The following HTR2C variants were observed in gnomAD, a reference collection of about 807,000 sequenced individuals.
HTR2C encodes the protein 5-hydroxytryptamine receptor 2C.
In HTR2C, 5 loss-of-function variants were observed where a neutral mutation model predicts 21.0. The ratio of observed to expected loss-of-function variants is 0.24; its 90% CI spans 0.12 to 0.50. The LOEUF is 0.50. Among genes scored for constraint, HTR2C ranks in the 20% least tolerant of loss-of-function variants. HTR2C has a pLI of 0.98. For synonymous variants in HTR2C, 150 were observed against 145.3 expected (o/e 1.03, Z -0.23); for missense variants, 271 against 371.2 (o/e 0.73, Z 2.22).
intron 4 of HTR2C, among the ~76,000 whole-genome samples, chrX:114,738,626 G>A (rs782755241): frequency 2.7e-5 from 3 of 109,946 alleles, no homozygotes; most frequent in South Asian, 4.0e-4. Context: ...ATCACACACC[G>A]GGGCCTGTTG....
intron 5 of HTR2C, among the ~76,000 whole-genome samples, chrX:114,905,936 C>T (rs2071369045): frequency 9.0e-6 from 1 of 111,194 alleles, no homozygotes; most frequent in African/African-American, 3.3e-5. Flanking sequence ...GCATATCTCC[C>T]AACTCTACAT....
At chrX:114,649,121 A>T (rs1383494035) in intron 2 of HTR2C, among the ~76,000 whole-genome samples, 4 of 111,762 alleles carry the variant, frequency 3.6e-5, no homozygotes, top group East Asian at 5.6e-4. Context: ...CAATTATTTC[A>T]TGTTTTAAGT....
intron 4 of HTR2C, among the ~76,000 whole-genome samples, chrX:114,830,793 C>A (rs1450577652): frequency 1.1e-5 from 1 of 95,107 alleles, no homozygotes; most frequent in Non-Finnish European, 2.1e-5. Context: ...TGCGCTGCAC[C>A]CACTAACTCA....
At chrX:114,721,631 T>C (rs1381865712) in intron 2 of HTR2C, among the ~76,000 whole-genome samples, 5 of 108,942 alleles carry the variant, frequency 4.6e-5, no homozygotes, top group Non-Finnish European at 9.6e-5. Context: ...GGTTTTCTTC[T>C]AGGGTTTTTA....
At chrX:114,787,409 GA>G (rs2070186778) in intron 4 of HTR2C, among the ~76,000 whole-genome samples, 1 of 111,667 alleles carries the variant, frequency 9.0e-6, no homozygotes, top group African/African-American at 3.3e-5. Flanking sequence ...AGCAGGTCAC[GA>G]AAAATTGGGT....
chrX:114,658,387 C>G (rs1451128377), intron 2 of HTR2C, among the ~76,000 whole-genome samples: 2 of 111,405 alleles, frequency 1.8e-5, no homozygotes, highest in East Asian at 5.6e-4. Context: ...AGTATGAAAT[C>G]CAAACTAAAA....
chrX:114,633,287 C>CT (rs1308211035), intron 2 of HTR2C, among the ~76,000 whole-genome samples: 1 of 112,028 alleles, frequency 8.9e-6, no homozygotes, highest in African/African-American at 3.2e-5. Context: ...ATATAAAACA[C>CT]TTTTTGTGAT....
chrX:114,895,610 T>C (rs2071290440), intron 5 of HTR2C, among the ~76,000 whole-genome samples: 1 of 111,968 alleles, frequency 8.9e-6, no homozygotes, highest in Admixed American at 9.5e-5. Flanking sequence ...TTCCTCTTCT[T>C]TTTTTCAAGT....
At chrX:114,708,758 G>A (rs1932847302) in intron 2 of HTR2C, among the ~76,000 whole-genome samples, 1 of 111,173 alleles carries the variant, frequency 9.0e-6, no homozygotes, top group South Asian at 3.8e-4. Flanking sequence ...AGTGAGCTAT[G>A]ATCATGCCAC....
At chrX:114,808,375 C>T (rs1469280222) in intron 4 of HTR2C, among the ~76,000 whole-genome samples, 1 of 111,540 alleles carries the variant, frequency 9.0e-6, no homozygotes, top group Non-Finnish European at 1.9e-5. Flanking sequence ...TGCTGATTGA[C>T]ACTTAGGTTA....
intron 4 of HTR2C, chrX:114,775,267 T>A: frequency 1.9e-6 from 1 of 522,492 alleles, no homozygotes; most frequent in Non-Finnish European, 3.5e-6. Context: ...GTGGTAGTAA[T>A]CGTGTTCTCT....
chrX:114,726,287 G>A (rs1000436089), intron 2 of HTR2C, among the ~76,000 whole-genome samples: 15 of 112,464 alleles, frequency 1.3e-4, no homozygotes, highest in East Asian at 5.7e-4. Flanking sequence ...TCCAGGTGCC[G>A]TCTGTCACCC....
Position 114,907,334 on chromosome X carries a change from C to G in HTR2C, c.1296C>G (p.Pro432=), listed in dbSNP as rs1556487362. 8.3e-7 allele frequency: 1 copy of G among 1,210,753 alleles called. No individual in the cohort carries two copies. ...PVIEKASDNE[P]GIEMQVENLE... ...TCGAGAAAGCCAGTGACAATGAGCC[C>G]GGTATAGAGATGCAAGTTGAGAATT... The change falls in exon 6 of 6, where the codon CCC becomes CCG. Residue 432 remains proline, a synonymous_variant. Transcript: ENST00000276198.
chrX:114,791,851 G>A (rs2070236188), intron 4 of HTR2C, among the ~76,000 whole-genome samples: 1 of 111,226 alleles, frequency 9.0e-6, no homozygotes, highest in African/African-American at 3.3e-5. Flanking sequence ...AAGGAATTTG[G>A]TAAATTTGAG....
intron 2 of HTR2C, among the ~76,000 whole-genome samples, chrX:114,703,161 A>T (rs1382054757): frequency 1.9e-5 from 2 of 108,048 alleles, no homozygotes; most frequent in Admixed American, 2.0e-4. Context: ...CAAGACAGAA[A>T]GTTAACAAGG....
At chrX:114,719,932 T>A (rs1933131350) in intron 2 of HTR2C, among the ~76,000 whole-genome samples, 1 of 111,727 alleles carries the variant, frequency 9.0e-6, no homozygotes, top group Admixed American at 9.6e-5. Flanking sequence ...TTTCACTCTA[T>A]CTTTGAACCT....
chrX:114,768,674 T>C (rs1391660908), intron 4 of HTR2C, among the ~76,000 whole-genome samples: 3 of 111,637 alleles, frequency 2.7e-5, no homozygotes, highest in Non-Finnish European at 5.7e-5. Flanking sequence ...TGAAGACCAG[T>C]GTTTCATAAA....
At chrX:114,685,324 A>G (rs782277917) in intron 2 of HTR2C, among the ~76,000 whole-genome samples, 1 of 111,729 alleles carries the variant, frequency 9.0e-6, no homozygotes, top group Admixed American at 9.5e-5. Context: ...TTGACTACAC[A>G]GCTTATAAGC....
At chrX:114,748,918 C>A (rs1556426966) in intron 4 of HTR2C, among the ~76,000 whole-genome samples, 1 of 111,356 alleles carries the variant, frequency 9.0e-6, no homozygotes, top group African/African-American at 3.3e-5. Context: ...GCTCTTTGAA[C>A]AACAGGATTG....
Sources: allele counts gnomAD v4.1 joint callset (sites outside exome capture counted in the v4.1 genomes callset), GRCh38; gene constraint gnomAD v4.1.1; transcripts MANE v1.5; gene names NCBI Gene and HGNC (gene_info 2026-07-23, HGNC 2026-07-21).